Variants in TLL1 observed in about 807,000 individuals in gnomAD.
TLL1 encodes the protein tolloid like 1.
TLL1 carries 49 observed loss-of-function variants against 128.2 expected under a neutral mutation model. The ratio of observed to expected loss-of-function variants is 0.38; its 90% confidence interval spans 0.30 to 0.48. TLL1 has a LOEUF of 0.48. Ranked by LOEUF, TLL1 falls within the 20% of genes least tolerant of loss-of-function variation. The pLI is 0.96. For missense variants in TLL1, 1,123 were observed against 1,242.0 expected, an observed-to-expected ratio of 0.90 and a Z score of 1.44; for synonymous variants, 454 against 418.8, an observed-to-expected ratio of 1.08 and a Z score of -1.03.
intron 9 of TLL1, among the ~76,000 whole-genome samples, chr4:166,037,982 T>G (rs892777756): frequency 2.0e-5 from 3 of 152,198 alleles, no homozygotes; most frequent in Non-Finnish European, 4.4e-5. Context: ...CTGATCACTG[T>G]GGTACCTAGA....
chr4:166,032,163 T>C (rs1307126547), intron 9 of TLL1, among the ~76,000 whole-genome samples: 1 of 152,030 alleles, frequency 6.6e-6, no homozygotes, highest in Non-Finnish European at 1.5e-5. Context: ...AAAACAAATA[T>C]ATTAAAATAT....
At chr4:165,894,184 G>T (rs971734729) in intron 1 of TLL1, among the ~76,000 whole-genome samples, 1 of 152,094 alleles carries the variant, frequency 6.6e-6, no homozygotes, top group Non-Finnish European at 1.5e-5. Context: ...AGTGAAAACA[G>T]TAGATCTGTG....
At chr4:165,990,161 T>C (rs1204278486) in intron 2 of TLL1, among the ~76,000 whole-genome samples, 1 of 151,902 alleles carries the variant, frequency 6.6e-6, no homozygotes, top group African/African-American at 2.4e-5. Flanking sequence ...CATTTAACAA[T>C]TTTTTAAATT....
intron 1 of TLL1, among the ~76,000 whole-genome samples, chr4:165,971,655 G>A (rs1735632004): frequency 6.6e-6 from 1 of 152,180 alleles, no homozygotes; most frequent in African/African-American, 2.4e-5. Context: ...ATTTCTCAGT[G>A]CGTCACTGGG....
chr4:166,051,426 C>T (rs563372850), intron 12 of TLL1, among the ~76,000 whole-genome samples: 6 of 151,860 alleles, frequency 4.0e-5, no homozygotes, highest in Non-Finnish European at 8.8e-5. Flanking sequence ...CTTAAACTTA[C>T]TGGCATGACA....
intron 1 of TLL1, among the ~76,000 whole-genome samples, chr4:165,960,276 C>A (rs913369172): frequency 3.3e-5 from 5 of 152,016 alleles, no homozygotes; most frequent in Non-Finnish European, 2.9e-5. Flanking sequence ...GAAATTGAAA[C>A]CCTGAACAGA....
intron 1 of TLL1, among the ~76,000 whole-genome samples, chr4:165,967,680 A>G (rs1194343469): frequency 6.6e-6 from 1 of 152,198 alleles, no homozygotes. Flanking sequence ...TAATTAGTTC[A>G]GCTCAGAGGT....
rs1738449270 is a variant in TLL1, at chr4:166,025,392, A to G, written c.1119A>G (p.Thr373=). The change falls in exon 9 of 21, where the codon ACA becomes ACG. Residue 373 remains threonine (T), a synonymous_variant. Transcript: ENST00000061240. The stretch of plus-strand genomic sequence containing the variant: ...TTCCCAATGGCTACCCTTCTTACAC[A>G]CACTGCATCTGGAGAGTTTCTGTGA... ...PGFPNGYPSY[T]HCIWRVSVTP... 1.9e-6 allele frequency: 3 copies of G among 1,613,800 alleles called. No individual in the cohort carries two copies. The highest frequency in any genetic ancestry group is 1.3e-5 in the African/African-American group (1 of 74,886).
chr4:166,075,340 T>C (rs1194182456), intron 17 of TLL1, among the ~76,000 whole-genome samples: 1 of 152,204 alleles, frequency 6.6e-6, no homozygotes, highest in East Asian at 1.9e-4. Context: ...TGCTAAATGT[T>C]TTGCATTTGA....
intron 1 of TLL1, among the ~76,000 whole-genome samples, chr4:165,947,296 A>G (rs544910373): frequency 4.6e-5 from 7 of 152,130 alleles, no homozygotes; most frequent in South Asian, 2.1e-4. Context: ...ACTTCACTGA[A>G]CCTTAATTAC....
At chr4:166,030,237 G>T (rs1738701077) in intron 9 of TLL1, among the ~76,000 whole-genome samples, 1 of 152,058 alleles carries the variant, frequency 6.6e-6, no homozygotes, top group Non-Finnish European at 1.5e-5. Flanking sequence ...TTTTTCTGAT[G>T]ACTAGTGAAC....
intron 1 of TLL1, among the ~76,000 whole-genome samples, chr4:165,985,979 G>C (rs931680747): frequency 2.6e-5 from 4 of 151,702 alleles, no homozygotes; most frequent in Middle Eastern, 3.4e-3. Context: ...AATTGCACTT[G>C]AGTATTTTCC....
intron 1 of TLL1, among the ~76,000 whole-genome samples, chr4:165,908,303 G>A (rs72695715): frequency 0.097 from 14,735 of 152,148 alleles, 860 homozygotes; most frequent in East Asian, 0.17. Flanking sequence ...TTAAATAGAA[G>A]GATGGGTCAG....
In TLL1 at chr4:166,057,166, C is replaced by A. The variant is rs202212419; in HGVS notation, c.1721-18C>A. ...ATATATATGTATAGTTGTTCTATAA[C>A]TATGACCATTTTCATAGAGGAAGAT... is the stretch of plus-strand genomic sequence containing the variant. On this transcript the variant is annotated intron_variant, in intron 13 of 20. Coordinates refer to ENST00000061240, the MANE Select transcript of TLL1 (RefSeq NM_012464.5). 415 of 1,613,574 alleles carry A rather than the reference C, an allele frequency of 2.6e-4. No homozygotes were observed. The highest frequency in any genetic ancestry group is 3.3e-4 in the Non-Finnish European group (386 of 1,179,754).
chr4:165,952,606 TATAA>T (rs1476230761), intron 1 of TLL1, among the ~76,000 whole-genome samples: 1 of 152,106 alleles, frequency 6.6e-6, no homozygotes, highest in Non-Finnish European at 1.5e-5. Flanking sequence ...GTTTTGAAAA[TATAA>T]ATAAAGACAT....
At chr4:166,016,481 C>A (rs532462908) in intron 8 of TLL1, among the ~76,000 whole-genome samples, 2 of 151,896 alleles carry the variant, frequency 1.3e-5, no homozygotes, top group African/African-American at 2.4e-5. Flanking sequence ...AAAAAACTAA[C>A]CTTATGATAT....
intron 15 of TLL1, 72 bp downstream of exon 15, chr4:166,060,260 A>G: frequency 6.7e-7 from 1 of 1,496,586 alleles, no homozygotes; most frequent in East Asian, 2.3e-5. Context: ...TGAAATTAAA[A>G]AAAAAAAAGA....
rs1742189402 is a variant in TLL1 at position 166,099,496 on chromosome 4, C to T, written c.2876C>T (p.Ala959Val). The T allele has an allele frequency of 1.2e-6, 2 of 1,613,346 alleles. No individual in the cohort carries two copies. Among genetic ancestry groups the T allele is most frequent in the Non-Finnish European group, 8.5e-7 (1 of 1,179,586 alleles). The stretch of plus-strand genomic sequence containing the variant: ...CTCTTTGATGGTCTTGATTCAACAG[C>T]TGTGGGGCTTGGTCGATTCTGTGGA... ...VELFDGLDSTAVGLGRFCGSG... is the reference protein window; with the variant it reads ...VELFDGLDSTVVGLGRFCGSG... The change falls in exon 20 of 21, where the codon GCT becomes GTT. Residue 959 changes from alanine (A) to valine (V), a missense_variant. Physicochemically the swap from Ala to Val is moderately conservative, Grantham distance 64. Around this residue, in one of 3 missense-constraint regions of TLL1, gnomAD observed 634 missense variants for 672.4 expected, o/e 0.94. Transcript: ENST00000061240.
intron 1 of TLL1, among the ~76,000 whole-genome samples, chr4:165,882,520 G>C (rs1054522896): frequency 6.6e-6 from 1 of 152,094 alleles, no homozygotes; most frequent in Non-Finnish European, 1.5e-5. Context: ...ATGCAGTGTA[G>C]CTGGCAGGCA....
Sources: allele counts gnomAD v4.1 joint callset (sites outside exome capture counted in the v4.1 genomes callset), GRCh38; gene constraint gnomAD v4.1.1; regional missense constraint gnomAD v4.1.1; transcripts MANE v1.5; gene names NCBI Gene and HGNC (gene_info 2026-07-23, HGNC 2026-07-21).